WWOX: variants seen among roughly 807,000 people sequenced by gnomAD.
WWOX encodes WW domain containing oxidoreductase.
A neutral mutation model predicts 46.2 loss-of-function variants in WWOX; 69 were observed. The observed-to-expected ratio is 1.49, with a 90% CI of 1.23 to 1.82. WWOX has a LOEUF of 1.82. Ranked by LOEUF, WWOX falls within the 40% of genes most tolerant of loss-of-function variation. The pLI, the probability that WWOX is intolerant of heterozygous loss-of-function variation, is 0.00. For synonymous variants in WWOX, 359 were observed against 202.6 expected, an observed-to-expected ratio of 1.77 and a Z score of -6.56; for missense variants, 919 against 542.6, an observed-to-expected ratio of 1.69 and a Z score of -6.89.
intron 8 of WWOX, among the ~76,000 whole-genome samples, chr16:78,617,694 T>C (rs2046061904): frequency 6.6e-6 from 1 of 152,184 alleles, no homozygotes; most frequent in South Asian, 2.1e-4. Context: ...TGGGCCCCGC[T>C]GCATTCTTCC....
chr16:78,828,370 G>A (rs560845426), intron 8 of WWOX, among the ~76,000 whole-genome samples: 99 of 152,214 alleles, frequency 6.5e-4, no homozygotes, highest in Non-Finnish European at 1.2e-3. Context: ...TGAGAAGAAC[G>A]GATACGGTTA....
chr16:79,103,002 C>T (rs1247912017), intron 8 of WWOX, among the ~76,000 whole-genome samples: 2 of 152,154 alleles, frequency 1.3e-5, no homozygotes, highest in Admixed American at 6.5e-5. Context: ...CCTTTCTCCT[C>T]ATCCTCTTCT....
At chr16:78,462,504 T>G (rs1173983564) in intron 8 of WWOX, among the ~76,000 whole-genome samples, 1 of 152,160 alleles carries the variant, frequency 6.6e-6, no homozygotes, top group Non-Finnish European at 1.5e-5. Context: ...TGTTGTAAGG[T>G]CAGGTACAGT....
In WWOX at chr16:78,338,163, C is replaced by T. The variant is rs529100188; in HGVS notation, c.517-48697C>T. On this transcript the variant is annotated intron_variant, in intron 5 of 8. Transcript: ENST00000566780. The stretch of plus-strand genomic sequence containing the variant: ...CAGTACTATTAATATGAATTTATCA[C>T]ATGGAAACAAACTTTTAAAAAAATT... 9.2e-5 allele frequency among the ~76,000 whole-genome samples: 10 copies of T among 109,196 alleles called. 1 individual carries two copies. The South Asian group carries it at 2.6e-3, about 28-fold the overall frequency. The allele number at this position is 109,196 out of a possible 152,430, so 71.6% of individuals were successfully genotyped here.
chr16:78,536,831 T>C (rs909386457), intron 8 of WWOX, among the ~76,000 whole-genome samples: 2 of 151,978 alleles, frequency 1.3e-5, no homozygotes, highest in African/African-American at 4.8e-5. Context: ...AGCTTCATCA[T>C]AGATCTCAGC....
intron 6 of WWOX, among the ~76,000 whole-genome samples, chr16:78,397,505 CG>C (rs2082315287): frequency 6.6e-6 from 1 of 152,178 alleles, no homozygotes; most frequent in Admixed American, 6.5e-5. Context: ...CTAGCTGGTA[CG>C]CAGTAAGGCT....
intron 8 of WWOX, among the ~76,000 whole-genome samples, chr16:78,952,385 T>G (rs1054214380): frequency 3.3e-4 from 27 of 81,888 alleles, no homozygotes; most frequent in African/African-American, 1.4e-3. Flanking sequence ...GTTTTTTGAG[T>G]TTTTTTTTTT....
chr16:78,946,832 C>A (rs1479290498), intron 8 of WWOX, among the ~76,000 whole-genome samples: 1 of 152,068 alleles, frequency 6.6e-6, no homozygotes, highest in African/African-American at 2.4e-5. Context: ...GTAGCAAGGA[C>A]AAGAGGGCGT....
In WWOX at chr16:78,893,032, G is replaced by T. The variant is rs8048092; in HGVS notation, c.1057-318576G>T. ...GCCCAGCTTCTCTGGTAGCAGAGCAGGGGTCCTCAAAGCAGACCGTGAGGT... is the reference window on the plus strand; with the variant it reads ...GCCCAGCTTCTCTGGTAGCAGAGCATGGGTCCTCAAAGCAGACCGTGAGGT... On this transcript the variant is annotated intron_variant, in intron 8 of 8. Coordinates refer to ENST00000566780, the MANE Select transcript of WWOX (RefSeq NM_016373.4). Among the ~76,000 whole-genome samples, 20 of 152,088 alleles carry T rather than the reference G, an allele frequency of 1.3e-4. No individual in the cohort carries two copies. In the East Asian group the frequency reaches 1.9e-3, roughly 15 times the overall value.
At chr16:79,094,616 A>C (rs931601959) in intron 8 of WWOX, among the ~76,000 whole-genome samples, 3 of 152,272 alleles carry the variant, frequency 2.0e-5, no homozygotes, top group Non-Finnish European at 4.4e-5. Flanking sequence ...ACCGTTTCAA[A>C]AACCCATCTC....
intron 8 of WWOX, among the ~76,000 whole-genome samples, chr16:78,937,981 C>G (rs568092407): frequency 6.6e-6 from 1 of 152,180 alleles, no homozygotes; most frequent in African/African-American, 2.4e-5. Context: ...TATTCCTCAT[C>G]TGACTTAGTT....
chr16:78,201,783 T>A (rs2036237646), intron 5 of WWOX, among the ~76,000 whole-genome samples: 1 of 152,078 alleles, frequency 6.6e-6, no homozygotes, highest in Non-Finnish European at 1.5e-5. Context: ...CACTGCAACC[T>A]CTGCCTCCCA....
Position 79,212,215 on chromosome 16 carries a change from G to C in WWOX, c.*419G>C, listed in dbSNP as rs992898086. The C allele has an allele frequency of 2.1e-6, 3 of 1,435,096 alleles. No homozygotes were observed. Among genetic ancestry groups the C allele is most frequent in the East Asian group, 2.5e-5 (1 of 40,342 alleles). The allele number at this position is 1,435,096 out of a possible 1,614,324, so 88.9% of individuals were successfully genotyped here. A position where few individuals can be genotyped will look rare whatever the true frequency, so the allele number is the denominator to read the frequency against. On this transcript the variant is annotated 3_prime_UTR_variant, in exon 9 of 9. Coordinates refer to ENST00000566780, the MANE Select transcript of WWOX (RefSeq NM_016373.4). The stretch of plus-strand genomic sequence containing the variant: ...CCTTCTCCTACTTAGGGAAGAAAAA[G>C]CAAGTGTTCACTGCTCCTTGCTGCA...
chr16:78,121,886 C>G (rs1021183278), intron 4 of WWOX, among the ~76,000 whole-genome samples: 2 of 152,050 alleles, frequency 1.3e-5, no homozygotes, highest in East Asian at 1.9e-4. Flanking sequence ...GTCTTGAACT[C>G]CTGACATTAG....
chr16:78,736,517 A>G (rs8051867), intron 8 of WWOX, among the ~76,000 whole-genome samples: 2,904 of 152,236 alleles, frequency 0.019, 77 homozygotes, highest in African/African-American at 0.064. Context: ...CACACATATC[A>G]TCAAATTCAT....
At position 78,323,894 on chromosome 16, in the gene WWOX, G is replaced by C. The variant is rs1032067335; in HGVS notation, c.517-62966G>C. Reference sequence around the variant, plus strand: ...GACTCAGAGGCCTGCTCAAGGTTAAGTGCAGTATGGTCTGAATAATAAGCA... The same window carrying C: ...GACTCAGAGGCCTGCTCAAGGTTAACTGCAGTATGGTCTGAATAATAAGCA... On this transcript the variant is annotated intron_variant, in intron 5 of 8. Transcript: ENST00000566780. 6.6e-5 allele frequency among the ~76,000 whole-genome samples: 10 copies of C among 152,274 alleles called. No homozygotes were observed. The East Asian group carries it at 1.7e-3, about 26-fold the overall frequency.
At chr16:78,149,516 G>C (rs1011060685) in intron 4 of WWOX, among the ~76,000 whole-genome samples, 24 of 152,210 alleles carry the variant, frequency 1.6e-4, no homozygotes, top group African/African-American at 5.5e-4. Context: ...CCATACAGCA[G>C]GTAGGTTTAT....
chr16:78,792,718 C>G (rs745631832), intron 8 of WWOX, among the ~76,000 whole-genome samples: 5 of 152,120 alleles, frequency 3.3e-5, no homozygotes, highest in Non-Finnish European at 7.3e-5. Flanking sequence ...AGGCATCTCA[C>G]CTGTAGAAAT....
At chr16:78,293,385 CAG>C (rs1234796115) in intron 5 of WWOX, among the ~76,000 whole-genome samples, 1 of 152,180 alleles carries the variant, frequency 6.6e-6, no homozygotes, top group Non-Finnish European at 1.5e-5. Context: ...TCTTTAGAAA[CAG>C]AAATGGTCCC....
Sources: allele counts gnomAD v4.1 joint callset (sites outside exome capture counted in the v4.1 genomes callset), GRCh38; gene constraint gnomAD v4.1.1; transcripts MANE v1.5; gene names NCBI Gene and HGNC (gene_info 2026-07-23, HGNC 2026-07-21).